Variants in LOXL3 observed in about 807,000 individuals in gnomAD.
The protein encoded by LOXL3 is lysyl oxidase homolog 3.
A neutral mutation model predicts 91.8 loss-of-function variants in LOXL3; 60 were observed. The observed-to-expected ratio is 0.65, with a 90% CI of 0.53 to 0.81. The LOEUF is 0.81. LOXL3 is among the 30% of genes least tolerant of loss of function. The pLI is 0.00. For missense variants in LOXL3, 874 were observed against 1,000.4 expected (o/e 0.87, Z 1.70); for synonymous variants, 355 against 387.6 (o/e 0.92, Z 0.99).
At chr2:74,555,065 A>G (rs1263717514), upstream of LOXL3, 4 of 1,492,592 alleles carry the variant, frequency 2.7e-6, no homozygotes, top group Non-Finnish European at 3.6e-6. This position sits in a 1 kb window ranked among gnomAD's most constrained non-coding sequence, Gnocchi z 6.1. Context: ...CAGATCCCAA[A>G]TCGACTTGCG....
Position 74,536,347 on chromosome 2 carries a change from C to T in LOXL3, c.1037G>A (p.Arg346Gln), listed in dbSNP as rs762973031. The change falls in exon 6 of 14, where the codon CGG (arginine) becomes CAG (glutamine). Residue 346 changes from arginine to glutamine, a missense_variant. By Grantham distance (43) the Arg-to-Gln change is conservative. Coordinates refer to ENST00000264094, the MANE Select transcript of LOXL3 (RefSeq NM_032603.5). The surrounding 1 kb of genome is among the most constrained non-coding windows in gnomAD (Gnocchi z 4.5). ...TCGAGCACTCCCGAAGCCCAGCTCC[C>T]GACACACCACGCTGGCTGCATGCAG... ...WDLHAASVVC[R>Q]ELGFGSAREA... 187 of 1,613,982 alleles carry T rather than the reference C, an allele frequency of 1.2e-4. No homozygotes were observed. The highest frequency in any genetic ancestry group is 1.4e-4 in the Non-Finnish European group (171 of 1,180,036).
upstream of LOXL3, chr2:74,554,410 G>GATCATTAAA: frequency 3.2e-6 from 1 of 314,574 alleles, no homozygotes; most frequent in Non-Finnish European, 5.9e-6. The surrounding 1 kb of genome is among the most constrained non-coding windows in gnomAD (Gnocchi z 4.9). Flanking sequence ...GGCGCTTTCG[G>GATCATTAAA]GGTGATGTCA....
chr2:74,545,946 A>G lies in LOXL3; in HGVS notation c.692+3423T>C, dbSNP rs1261679633. ...TGTCTTAAAGAATCTTAAATTTAAC[A>G]GGTCTAAAACCAAGTTCCTACCCTC... On this transcript the variant is annotated intron_variant, in intron 4 of 13. Transcript: ENST00000264094. Among the ~76,000 whole-genome samples the G allele has an allele frequency of 2.0e-5, 3 of 152,202 alleles. No homozygotes were observed. In the East Asian group the frequency reaches 5.8e-4, roughly 29 times the overall value.
rs889903317 is a variant in LOXL3, at chr2:74,536,212, C to T, written c.1094-62G>A. The T allele has an allele frequency of 5.7e-5, 92 of 1,611,706 alleles. 1 individual carries two copies. The South Asian group carries it at 9.8e-4, about 17-fold the overall frequency. ...AAGCATATATTGTCTGCCCAGGGGA[C>T]ACCTAACCTTCCGAAGGAATATGCC... On this transcript the variant is annotated intron_variant, in intron 6 of 13. Coordinates refer to ENST00000264094, the MANE Select transcript of LOXL3 (RefSeq NM_032603.5). The surrounding 1 kb of genome is among the most constrained non-coding windows in gnomAD (Gnocchi z 4.5).
chr2:74,545,474 C>T (rs369187106), intron 4 of LOXL3, among the ~76,000 whole-genome samples: 31 of 152,364 alleles, frequency 2.0e-4, no homozygotes, highest in African/African-American at 6.5e-4. Flanking sequence ...CTCCCTTTAT[C>T]CAGATCTTCC....
At chr2:74,537,310 G>A (rs1426842872) in intron 4 of LOXL3, among the ~76,000 whole-genome samples, 1 of 152,232 alleles carries the variant, frequency 6.6e-6, no homozygotes, top group East Asian at 1.9e-4. Flanking sequence ...AAATGGCCAG[G>A]AGGGAGTGGC....
At chr2:74,548,139 T>C (rs1218920952) in intron 4 of LOXL3, among the ~76,000 whole-genome samples, 2 of 152,174 alleles carry the variant, frequency 1.3e-5, no homozygotes, top group East Asian at 3.8e-4. Flanking sequence ...TTTTAGCCAT[T>C]TGGATGAAGC....
intron 4 of LOXL3, among the ~76,000 whole-genome samples, chr2:74,539,325 C>T (rs1359621690): frequency 1.3e-5 from 2 of 152,196 alleles, no homozygotes; most frequent in Non-Finnish European, 2.9e-5. Context: ...GTCTGCTGAA[C>T]ACCATTGAAC....
chr2:74,532,857 G>T lies in LOXL3; in HGVS notation c.*749C>A, dbSNP rs1163719495. 3 of 1,613,960 alleles carry T rather than the reference G, an allele frequency of 1.9e-6. No homozygotes were observed. The highest frequency in any genetic ancestry group is 2.5e-6 in the Non-Finnish European group (3 of 1,180,018). ...GCCTGGTGATGTGATTTTGGCCATTGGGGAGCAGATGGTACAAAATGCTGA... is the reference window on the plus strand; with the variant it reads ...GCCTGGTGATGTGATTTTGGCCATTTGGGAGCAGATGGTACAAAATGCTGA... On this transcript the variant is annotated 3_prime_UTR_variant, in exon 14 of 14. Coordinates refer to ENST00000264094, the MANE Select transcript of LOXL3 (RefSeq NM_032603.5).
At chr2:74,554,321 G>A (rs1253353158), upstream of LOXL3, 1 of 177,434 alleles carries the variant, frequency 5.6e-6, no homozygotes, top group African/African-American at 2.4e-5. The surrounding 1 kb of genome is among the most constrained non-coding windows in gnomAD (Gnocchi z 4.9). Context: ...TAAACAGCCC[G>A]GCTCGGGCGG....
upstream of LOXL3, chr2:74,554,956 C>T (rs1032103008): frequency 5.0e-5 from 73 of 1,459,948 alleles, no homozygotes; most frequent in African/African-American, 8.6e-4. This position sits in a 1 kb window ranked among gnomAD's most constrained non-coding sequence, Gnocchi z 4.9. Context: ...TTGCTTTGCA[C>T]ACTCCCGGGA....
chr2:74,545,656 C>T (rs1296620405), intron 4 of LOXL3, among the ~76,000 whole-genome samples: 1 of 152,202 alleles, frequency 6.6e-6, no homozygotes, highest in Admixed American at 6.5e-5. Context: ...TGGTCACTCT[C>T]TCCTCTTCGA....
Position 74,536,007 on chromosome 2 carries a change from C to T in LOXL3, c.1237G>A (p.Ala413Thr), listed in dbSNP as rs1226699915. 14 of 1,576,834 alleles carry T rather than the reference C, an allele frequency of 8.9e-6. No individual in the cohort carries two copies. The highest frequency in any genetic ancestry group is 2.2e-5 in the East Asian group (1 of 44,754). ...GVRCNLPYTGAETRIRLSGGR... is the reference protein window; with the variant it reads ...GVRCNLPYTGTETRIRLSGGR... Reference sequence around the variant, plus strand: ...AGAGGATGACTGACCCTGGTCTCTGCCCCAGTGTAAGGTAGGTTGCACCGG... The same window carrying T: ...AGAGGATGACTGACCCTGGTCTCTGTCCCAGTGTAAGGTAGGTTGCACCGG... Residue 413 changes from alanine (A) to threonine (T), a missense_variant, in exon 7 of 14, where the codon GCA (alanine) becomes ACA (threonine). Transcript: ENST00000264094. This position sits in a 1 kb window ranked among gnomAD's most constrained non-coding sequence, Gnocchi z 4.5.
At chr2:74,551,095 G>T (rs916288141) in intron 2 of LOXL3, among the ~76,000 whole-genome samples, 7 of 152,126 alleles carry the variant, frequency 4.6e-5, no homozygotes, top group African/African-American at 1.7e-4. Context: ...ACCATACCTG[G>T]CTAATTTTTG....
chr2:74,549,839 G>C lies in LOXL3; in HGVS notation c.478-256C>G. ...GGAGGCCCTCCCTGTGCCTGGAGCA[G>C]GAGGGAGCACTTCAAAAAGGAAATG... is the stretch of plus-strand genomic sequence containing the variant. On this transcript the variant is annotated intron_variant, in intron 3 of 13. Coordinates refer to ENST00000264094, the MANE Select transcript of LOXL3 (RefSeq NM_032603.5). The surrounding 1 kb of genome is among the most constrained non-coding windows in gnomAD (Gnocchi z 5.3). The C allele has an allele frequency of 1.0e-6, 1 of 985,430 alleles. No homozygotes were observed. Among genetic ancestry groups the C allele is most frequent in the Non-Finnish European group, 1.2e-6 (1 of 829,934 alleles). 61.0% of individuals were successfully genotyped at this position (985,430 alleles called of 1,614,324 possible).
Position 74,536,440 on chromosome 2 carries a change from G to A in LOXL3, c.944C>T (p.Pro315Leu). The A allele has an allele frequency of 6.2e-7, 1 of 1,613,926 alleles. No homozygotes were observed. The highest frequency in any genetic ancestry group is 8.5e-7 in the Non-Finnish European group (1 of 1,179,998). The change falls in exon 6 of 14, where the codon CCT becomes CTT. Residue 315 changes from proline (P) to leucine (L), a missense_variant. Pro to Leu is a moderately conservative substitution (Grantham distance 98, BLOSUM62 -3). Coordinates refer to ENST00000264094, the MANE Select transcript of LOXL3 (RefSeq NM_032603.5). This position sits in a 1 kb window ranked among gnomAD's most constrained non-coding sequence, Gnocchi z 4.5. ...ARVRLKGGAH[P>L]GEGRVEVLKA... ...CAGGACTTCTACCCGGCCCTCTCCA[G>A]GGTGGGCGCCGCCCTTTAGACGGAC...
upstream of LOXL3, chr2:74,554,420 A>T: frequency 2.8e-6 from 1 of 359,756 alleles, no homozygotes; most frequent in East Asian, 5.9e-5. The surrounding 1 kb of genome is among the most constrained non-coding windows in gnomAD (Gnocchi z 4.9). Flanking sequence ...GGGTGATGTC[A>T]TGGCTTTCAC....
rs778022625 is a variant in LOXL3, at chr2:74,533,567, C to T, written c.*39G>A. The T allele has an allele frequency of 6.3e-7, 1 of 1,594,484 alleles. No individual in the cohort carries two copies. The highest frequency in any genetic ancestry group is 1.7e-5 in the Admixed American group (1 of 59,612). On this transcript the variant is annotated 3_prime_UTR_variant, in exon 14 of 14. Transcript: ENST00000264094. ...GGTAATGGCAGCCTCAGACCCCTGC[C>T]ATTAGGGGCCAGTGGTGGTTTGCAG...
chr2:74,548,551 G>C (rs1401919658), intron 4 of LOXL3, among the ~76,000 whole-genome samples: 1 of 152,194 alleles, frequency 6.6e-6, no homozygotes, highest in African/African-American at 2.4e-5. Context: ...CAGCAATACT[G>C]ATCTAGGGAA....
Sources: allele counts gnomAD v4.1 joint callset (sites outside exome capture counted in the v4.1 genomes callset), GRCh38; gene constraint gnomAD v4.1.1; non-coding constraint Gnocchi (gnomAD v3.1); transcripts MANE v1.5; gene names NCBI Gene and HGNC (gene_info 2026-07-23, HGNC 2026-07-21).